The following EML2 variants were observed in gnomAD, a reference collection of about 807,000 sequenced individuals.
The protein encoded by EML2 is EMAP like 2, also known as echinoderm microtubule-associated protein-like 2.
In EML2, 59 loss-of-function variants were observed where a neutral mutation model predicts 84.7. That is an observed-to-expected ratio of 0.70 (90% CI 0.56 to 0.86). The LOEUF (loss-of-function observed/expected upper bound fraction) is 0.86, where lower values mean the gene tolerates loss of function less well. EML2 is among the 40% of genes least tolerant of loss of function. The pLI, the probability that EML2 is intolerant of heterozygous loss-of-function variation, is 0.00. For synonymous variants in EML2, 352 were observed against 348.9 expected (o/e 1.01, Z -0.10); for missense variants, 818 against 855.6 (o/e 0.96, Z 0.55).
intron 13 of EML2, among the ~76,000 whole-genome samples, chr19:45,617,283 CG>C (rs1971203875): frequency 6.6e-6 from 1 of 151,684 alleles, no homozygotes; most frequent in Non-Finnish European, 1.5e-5. Context: ...GGTACAGTGG[CG>C]GTGGCTCACG....
chr19:45,638,444 C>A, intron 3 of EML2, 61 bp downstream of exon 3: 1 of 1,609,868 alleles, frequency 6.2e-7, no homozygotes. Context: ...GCTGCCTTGA[C>A]CGCCTTTCTA....
chr19:45,639,109 G>T, intron 1 of EML2: 1 of 687,962 alleles, frequency 1.5e-6, no homozygotes, highest in African/African-American at 1.8e-5. Context: ...CGAAGTGGCA[G>T]GGACGCGATC....
chr19:45,641,769 G>C (rs896767409), upstream of EML2: 1 of 1,535,610 alleles, frequency 6.5e-7, no homozygotes, highest in Non-Finnish European at 8.7e-7. Flanking sequence ...GCACACAGGT[G>C]GGGGCAGAGC....
chr19:45,624,732 A>C lies in EML2; in HGVS notation c.828T>G (p.Tyr276Ter), dbSNP rs772329701. 3 of 1,613,746 alleles carry C rather than the reference A, an allele frequency of 1.9e-6. No homozygotes were observed. In the East Asian group the frequency reaches 6.7e-5, roughly 36 times the overall value. Residue 276 changes from tyrosine to a stop codon, truncating the protein, a stop_gained, in exon 9 of 19, where the codon TAT becomes TAG. Coordinates refer to ENST00000245925, the MANE Select transcript of EML2 (RefSeq NM_012155.4). LOFTEE classifies it high-confidence loss of function. ...VVTGDSGGNL[Y>*]VWGKGGNRIT... ...GGTGACACTGACCTTTGCCCCAAACATAGAGGTTCCCCCCAGAGTCCCCCG... is the reference window on the plus strand; with the variant it reads ...GGTGACACTGACCTTTGCCCCAAACCTAGAGGTTCCCCCCAGAGTCCCCCG...
At chr19:45,614,142 T>C (rs895415126) in intron 17 of EML2, among the ~76,000 whole-genome samples, 2 of 152,202 alleles carry the variant, frequency 1.3e-5, no homozygotes, top group Non-Finnish European at 2.9e-5. Flanking sequence ...AAGCCCTCCC[T>C]GATTCCCTCC....
chr19:45,626,953 A>G, intron 7 of EML2, 114 bp from the exon 8 acceptor site: 1 of 917,212 alleles, frequency 1.1e-6, no homozygotes, highest in Non-Finnish European at 1.5e-6. Context: ...TGCACACCTG[A>G]ACTTTTCTTT....
In EML2 at chr19:45,621,576, G is replaced by A. The variant is rs752573464; in HGVS notation, c.903C>T (p.Cys301=). 8.1e-6 allele frequency: 13 copies of A among 1,612,274 alleles called. No homozygotes were observed. Among genetic ancestry groups the A allele is most frequent in the Middle Eastern group, 1.6e-4 (1 of 6,062 alleles). ...ACACCAGCGTCCCGTCCCGCAGGGC[G>A]CAGAGCCCAAACACGCCGCCGTCGT... The part of the protein sequence containing the change: ...GAHDGGVFGL[C]ALRDGTLVSG... Residue 301 remains cysteine (C), a synonymous_variant, in exon 10 of 19, where the codon TGC becomes TGT. Coordinates refer to ENST00000245925, the MANE Select transcript of EML2 (RefSeq NM_012155.4).
At chr19:45,635,168 A>G (rs1973577580) in intron 3 of EML2, among the ~76,000 whole-genome samples, 1 of 150,622 alleles carries the variant, frequency 6.6e-6, no homozygotes, top group Admixed American at 6.6e-5. Flanking sequence ...TTTTTAAGAC[A>G]GAGTCTGTCA....
intron 1 of EML2, chr19:45,639,125 A>C (rs774477261): frequency 1.5e-6 from 1 of 670,870 alleles, no homozygotes; most frequent in East Asian, 2.7e-5. Flanking sequence ...CGATCCTGGA[A>C]GAAGGGAGTC....
Position 45,609,700 on chromosome 19 carries a change from C to G in EML2, c.1913G>C (p.Gly638Ala). ...WDDSMALTTG[G>A]KDTSVLQWRV... ...CCACTGTAGCACACTGGTGTCCTTG[C>G]CCCCTGTGGTCAGGGCCATGCTGTC... The change falls in exon 19 of 19, where the codon GGC (glycine) becomes GCC (alanine). Residue 638 changes from glycine to alanine, a missense_variant. Gly to Ala is a moderately conservative substitution (Grantham distance 60). Coordinates refer to ENST00000245925, the MANE Select transcript of EML2 (RefSeq NM_012155.4). The G allele has an allele frequency of 6.2e-7, 1 of 1,613,244 alleles. No individual in the cohort carries two copies. The highest frequency in any genetic ancestry group is 8.5e-7 in the Non-Finnish European group (1 of 1,179,666).
intron 4 of EML2, 76 bp downstream of exon 4, chr19:45,634,246 G>A: frequency 3.1e-6 from 5 of 1,593,102 alleles, no homozygotes; most frequent in Non-Finnish European, 8.6e-7. Flanking sequence ...AATGTGAAAA[G>A]AGGCATAGAG....
rs766544040 is a variant in EML2 at position 45,613,604 on chromosome 19, C to A, written c.1761G>T (p.Leu587Phe). 6.2e-6 allele frequency: 10 copies of A among 1,613,986 alleles called. No individual in the cohort carries two copies. Among genetic ancestry groups the A allele is most frequent in the Non-Finnish European group, 8.5e-6 (10 of 1,180,016 alleles). Residue 587 changes from leucine (L) to phenylalanine (F), a missense_variant, in exon 18 of 19, where the codon TTG (leucine) becomes TTT (phenylalanine). By Grantham distance (22) the Leu-to-Phe change is conservative. Transcript: ENST00000245925. ...NAVARSHDGK[L>F]LASADDFGKV... ...TGCCAAAGTCATCAGCTGAAGCCAG[C>A]AACTTCCCATCATGAGAGCGGGCCA...
In EML2 at chr19:45,613,683, A is replaced by T. The variant is rs920908704; in HGVS notation, c.1694-12T>A. On this transcript the variant is annotated splice_polypyrimidine_tract_variant and intron_variant, in intron 17 of 18. Transcript: ENST00000245925. ...CTCAGACCAGATCCCTGTGGGCAAGATGAAGGGAAGTGGTAAGATGTCAGC... is the reference window on the plus strand; with the variant it reads ...CTCAGACCAGATCCCTGTGGGCAAGTTGAAGGGAAGTGGTAAGATGTCAGC... The T allele has an allele frequency of 6.2e-7, 1 of 1,610,264 alleles. No homozygotes were observed. Among genetic ancestry groups the T allele is most frequent in the African/African-American group, 1.3e-5 (1 of 74,936 alleles).
At chr19:45,641,468 C>T, upstream of EML2, 2 of 644,520 alleles carry the variant, frequency 3.1e-6, no homozygotes, top group Non-Finnish European at 2.7e-6. Flanking sequence ...CCAGACCTTC[C>T]ACTGTTACCG....
chr19:45,637,667 C>CTTTTTTTTT (rs58180181), intron 3 of EML2, among the ~76,000 whole-genome samples: 10 of 48,918 alleles, frequency 2.0e-4, no homozygotes, highest in African/African-American at 3.0e-4. Flanking sequence ...TTTTTCTTTT[C>CTTTTTTTTT]TTTTTTTTTT....
chr19:45,626,380 C>CTTTTT lies in EML2; in HGVS notation c.741+320_741+324dup, dbSNP rs35850853. The stretch of plus-strand genomic sequence containing the variant: ...TCTTCATCCCTTTGAATCCTCACAA[C>CTTTTT]TTTTTTTTTTTTTTTTTTTTTTTTT... On this transcript the variant is annotated intron_variant, in intron 8 of 18. Coordinates refer to ENST00000245925, the MANE Select transcript of EML2 (RefSeq NM_012155.4). 5.0e-4 allele frequency among the ~76,000 whole-genome samples: 40 copies of CTTTTT among 79,450 alleles called. 4 individuals are homozygous for CTTTTT. The highest frequency in any genetic ancestry group is 2.0e-3 in the African/African-American group (37 of 18,054). The allele number at this position is 79,450 out of a possible 152,430, so 52.1% of individuals were successfully genotyped here. A position where few individuals can be genotyped will look rare whatever the true frequency, so the allele number is the denominator to read the frequency against.
At chr19:45,627,320 A>G (rs1568463336) in intron 7 of EML2, among the ~76,000 whole-genome samples, 1 of 146,962 alleles carries the variant, frequency 6.8e-6, no homozygotes, top group African/African-American at 2.5e-5. Context: ...CGGTAGCACA[A>G]TCTTGGCTCC....
intron 5 of EML2, 39 bp from the exon 6 acceptor site, chr19:45,633,010 C>T (rs201607767): frequency 1.9e-6 from 3 of 1,604,824 alleles, no homozygotes; most frequent in Non-Finnish European, 2.6e-6. Flanking sequence ...GGGGTGCCAG[C>T]TGCTTGTCCC....
At chr19:45,617,381 C>G (rs1056744837) in intron 13 of EML2, among the ~76,000 whole-genome samples, 26 of 151,324 alleles carry the variant, frequency 1.7e-4, no homozygotes, top group African/African-American at 5.6e-4. Flanking sequence ...CATGGTGAAA[C>G]CCCGTCTCTA....
Sources: allele counts gnomAD v4.1 joint callset (sites outside exome capture counted in the v4.1 genomes callset), GRCh38; gene constraint gnomAD v4.1.1; transcripts MANE v1.5; gene names NCBI Gene and HGNC (gene_info 2026-07-23, HGNC 2026-07-21).